The following SH3D19 variants were observed in gnomAD, a reference collection of about 807,000 sequenced individuals.
SH3D19 encodes SH3 domain-containing protein 19.
Under a neutral mutation model 112.1 loss-of-function variants are expected in SH3D19, and 58 were observed. The observed-to-expected ratio is 0.52, with a 90% CI of 0.42 to 0.64. The LOEUF (loss-of-function observed/expected upper bound fraction) is 0.64, where lower values mean the gene tolerates loss of function less well. Among genes scored for constraint, SH3D19 ranks in the 30% least tolerant of loss-of-function variants. The pLI, the probability that SH3D19 is intolerant of heterozygous loss-of-function variation, is 0.00. For synonymous variants in SH3D19, 391 were observed against 448.5 expected, an observed-to-expected ratio of 0.87 and a Z score of 1.62; for missense variants, 1,090 against 1,263.4, an observed-to-expected ratio of 0.86 and a Z score of 2.08.
chr4:151,183,226 A>AG (rs1761233354), intron 3 of SH3D19, among the ~76,000 whole-genome samples: 1 of 152,090 alleles, frequency 6.6e-6, no homozygotes, highest in Non-Finnish European at 1.5e-5. Context: ...TCCTGACCTC[A>AG]GGTGATCCGC....
At chr4:151,167,065 G>GA (rs965877472) in intron 7 of SH3D19, among the ~76,000 whole-genome samples, 5 of 147,418 alleles carry the variant, frequency 3.4e-5, no homozygotes, top group Admixed American at 6.8e-5. Flanking sequence ...TGCTACTGAG[G>GA]AAAAAAAAAA....
intron 1 of SH3D19, among the ~76,000 whole-genome samples, chr4:151,236,128 C>T (rs1047264065): frequency 7.9e-5 from 12 of 152,388 alleles, no homozygotes; most frequent in South Asian, 6.2e-4. Context: ...TCCTCGGCCT[C>T]GGCGTCCGCT....
chr4:151,274,643 A>G (rs1337546190), intron 1 of SH3D19, among the ~76,000 whole-genome samples: 1 of 152,174 alleles, frequency 6.6e-6, no homozygotes, highest in African/African-American at 2.4e-5. Context: ...ATGAATCCAG[A>G]GCTCCTTTCC....
At chr4:151,196,040 G>A (rs1222812080) in intron 2 of SH3D19, among the ~76,000 whole-genome samples, 1 of 152,120 alleles carries the variant, frequency 6.6e-6, no homozygotes, top group Non-Finnish European at 1.5e-5. Flanking sequence ...AACGTTTGGG[G>A]AAAACCTGGT....
At chr4:151,256,556 TG>T (rs1580341031) in intron 1 of SH3D19, among the ~76,000 whole-genome samples, 4 of 152,210 alleles carry the variant, frequency 2.6e-5, no homozygotes, top group African/African-American at 9.6e-5. Flanking sequence ...AAATGAGGAA[TG>T]TTTCTCAGTC....
Position 151,120,333 on chromosome 4 carries a change from T to C in SH3D19, c.*1758A>G, listed in dbSNP as rs1347106130. On this transcript the variant is annotated 3_prime_UTR_variant, in exon 20 of 20. Transcript: ENST00000604030. ...ACAGTGTCAAGTAGATTTACAACTATTGCACTTATCATTCTGCTGACAGAA... is the reference window on the plus strand; with the variant it reads ...ACAGTGTCAAGTAGATTTACAACTACTGCACTTATCATTCTGCTGACAGAA... 1 of 152,566 alleles carries C rather than the reference T, an allele frequency of 6.6e-6. No individual in the cohort carries two copies. Among genetic ancestry groups the C allele is most frequent in the African/African-American group, 2.4e-5 (1 of 41,430 alleles). 9.5% of individuals were successfully genotyped at this position (152,566 alleles called of 1,614,324 possible).
At chr4:151,203,222 A>G (rs569423841) in intron 2 of SH3D19, among the ~76,000 whole-genome samples, 10 of 152,256 alleles carry the variant, frequency 6.6e-5, no homozygotes, top group Admixed American at 6.5e-4. Context: ...TGACCCCATC[A>G]TCGCCACCAG....
chr4:151,197,903 C>T (rs1051254752), intron 2 of SH3D19, among the ~76,000 whole-genome samples: 3 of 152,016 alleles, frequency 2.0e-5, no homozygotes, highest in African/African-American at 7.2e-5. Flanking sequence ...AATAGTGAGG[C>T]AGATACTTTT....
intron 2 of SH3D19, among the ~76,000 whole-genome samples, chr4:151,213,520 C>G (rs2149912372): frequency 6.6e-6 from 1 of 152,040 alleles, no homozygotes; most frequent in South Asian, 2.1e-4. Context: ...AGGCACACAC[C>G]TGTAGTCCCA....
chr4:151,172,537 A>C (rs1561277761), intron 7 of SH3D19, among the ~76,000 whole-genome samples: 3 of 152,244 alleles, frequency 2.0e-5, no homozygotes, highest in Admixed American at 6.5e-5. Context: ...AGGAGTTGGT[A>C]ACTAATTAGA....
intron 2 of SH3D19, among the ~76,000 whole-genome samples, chr4:151,216,437 T>C (rs2149923150): frequency 6.6e-6 from 1 of 152,338 alleles, no homozygotes; most frequent in East Asian, 1.9e-4. Flanking sequence ...GTATACAAAC[T>C]TCACTTGACT....
chr4:151,180,883 C>T (rs1201799449), intron 3 of SH3D19, among the ~76,000 whole-genome samples: 3 of 151,396 alleles, frequency 2.0e-5, no homozygotes, highest in Non-Finnish European at 1.5e-5. Flanking sequence ...CCTGCCTCAG[C>T]CTCCCGAGTA....
At chr4:151,152,560 C>T (rs1755251200) in intron 9 of SH3D19, among the ~76,000 whole-genome samples, 2 of 144,602 alleles carry the variant, frequency 1.4e-5, no homozygotes, top group Admixed American at 7.0e-5. Flanking sequence ...CACTCTGTTG[C>T]CCAGGCTGGA....
At chr4:151,139,342 C>G (rs1163914561) in intron 13 of SH3D19, among the ~76,000 whole-genome samples, 7 of 151,376 alleles carry the variant, frequency 4.6e-5, no homozygotes, top group Non-Finnish European at 7.4e-5. Context: ...TTAGTAGAGA[C>G]GGGGTTTCAC....
Position 151,174,888 on chromosome 4 carries a change from G to C in SH3D19, c.1316C>G (p.Ala439Gly), listed in dbSNP as rs1057453987. 3.7e-6 allele frequency: 6 copies of C among 1,612,264 alleles called. No individual in the cohort carries two copies. In the African/African-American group the frequency reaches 6.7e-5, roughly 18 times the overall value. ...AGGAACAGTGACAGGTTTCAGTGGA[G>C]CTGAAGGGTAGGTGGGGTTTTCTGA... ...VSSENPTYPS[A>G]PLKPVTVPPR... Residue 439 changes from alanine to glycine, a missense_variant, in exon 7 of 20, where the codon GCT (alanine) becomes GGT (glycine). Physicochemically the swap from Ala to Gly is moderately conservative, Grantham distance 60. Coordinates refer to ENST00000604030, the MANE Select transcript of SH3D19 (RefSeq NM_001378122.1).
intron 9 of SH3D19, among the ~76,000 whole-genome samples, chr4:151,156,167 G>T (rs1756069764): frequency 6.6e-6 from 1 of 152,098 alleles, no homozygotes. Flanking sequence ...AAAAATGGAA[G>T]AAGATACAAA....
intron 1 of SH3D19, chr4:151,259,757 G>C (rs926717350): frequency 6.6e-6 from 1 of 152,172 alleles, no homozygotes; most frequent in African/African-American, 2.4e-5. Context: ...GTTATTAATG[G>C]GTTCAAATAC....
chr4:151,261,183 G>A (rs1772352674), intron 1 of SH3D19: 1 of 152,126 alleles, frequency 6.6e-6, no homozygotes, highest in African/African-American at 2.4e-5. Context: ...GAGGAAAAAT[G>A]CCATATCCAG....
At chr4:151,174,325 A>C (rs1759561257) in intron 7 of SH3D19, among the ~76,000 whole-genome samples, 2 of 152,138 alleles carry the variant, frequency 1.3e-5, no homozygotes, top group South Asian at 2.1e-4. Context: ...CTATCTGCCA[A>C]GAGTAAGGGG....
Sources: gnomAD v4.1 joint callset for allele counts (sites outside exome capture counted in the v4.1 genomes callset) on GRCh38, gnomAD v4.1.1 for gene constraint, MANE v1.5 for transcripts, NCBI Gene and HGNC (gene_info 2026-07-23, HGNC 2026-07-21) for gene names.